Variants in GRID2 observed in about 807,000 individuals in gnomAD.
GRID2 encodes the protein glutamate receptor ionotropic, delta-2.
GRID2 carries 33 observed loss-of-function variants against 114.8 expected under a neutral mutation model. The ratio of observed to expected loss-of-function variants is 0.29; its 90% CI spans 0.22 to 0.38. GRID2 has a LOEUF of 0.38. Among genes scored for constraint, GRID2 ranks in the 10% least tolerant of loss-of-function variants. The pLI is 1.00. For synonymous variants in GRID2, 505 were observed against 449.9 expected (o/e 1.12, Z -1.55); for missense variants, 1,184 against 1,257.7 (o/e 0.94, Z 0.89).
intron 2 of GRID2, among the ~76,000 whole-genome samples, chr4:92,656,923 A>G (rs888478521): frequency 5.9e-5 from 9 of 151,728 alleles, no homozygotes; most frequent in African/African-American, 2.2e-4. Flanking sequence ...TATGTTCTGA[A>G]GCAAAGGAAT....
chr4:93,268,103 T>G (rs932899925), intron 8 of GRID2, among the ~76,000 whole-genome samples: 3 of 152,206 alleles, frequency 2.0e-5, no homozygotes, highest in African/African-American at 7.2e-5. Flanking sequence ...GCCCATTTTC[T>G]TTTTTCTGTT....
intron 12 of GRID2, among the ~76,000 whole-genome samples, chr4:93,494,336 C>A (rs1212210205): frequency 6.6e-6 from 1 of 151,460 alleles, no homozygotes; most frequent in Non-Finnish European, 1.5e-5. Context: ...CTACAATGGG[C>A]AGAGGTGGTT....
At chr4:92,532,677 CA>C (rs1313092506) in intron 1 of GRID2, among the ~76,000 whole-genome samples, 1 of 151,762 alleles carries the variant, frequency 6.6e-6, no homozygotes, top group East Asian at 1.9e-4. Flanking sequence ...AGTATGTGGT[CA>C]AAAAAGGAAT....
chr4:92,389,281 G>A (rs1730132019), intron 1 of GRID2, among the ~76,000 whole-genome samples: 1 of 151,948 alleles, frequency 6.6e-6, no homozygotes. Context: ...CTCATACATA[G>A]CAGAGATGTG....
intron 2 of GRID2, among the ~76,000 whole-genome samples, chr4:93,059,757 T>C (rs1250073095): frequency 1.3e-5 from 2 of 152,088 alleles, no homozygotes; most frequent in Non-Finnish European, 2.9e-5. Context: ...ATAATTCTAT[T>C]ACTCAAAAAG....
chr4:93,452,322 A>G (rs549263892), intron 10 of GRID2, among the ~76,000 whole-genome samples: 1 of 152,190 alleles, frequency 6.6e-6, no homozygotes, highest in South Asian at 2.1e-4. Context: ...TACTTTTTCC[A>G]TGAGGAATAG....
In GRID2 at chr4:93,036,161, G is replaced by A. The variant is rs550841845; in HGVS notation, c.245-48834G>A. ...TCCCTTAGCCTTTGGGCCAAAAGGT[G>A]GCAATAATCTTCTTATAACCTAAAA... is the stretch of plus-strand genomic sequence containing the variant. On this transcript the variant is annotated intron_variant, in intron 2 of 15. Coordinates refer to ENST00000282020, the MANE Select transcript of GRID2 (RefSeq NM_001510.4). Among the ~76,000 whole-genome samples, 10 of 152,088 alleles carry A rather than the reference G, an allele frequency of 6.6e-5. No homozygotes were observed. The South Asian group carries it at 1.9e-3, about 28-fold the overall frequency.
intron 1 of GRID2, among the ~76,000 whole-genome samples, chr4:92,545,589 G>T (rs1726207979): frequency 6.6e-6 from 1 of 152,112 alleles, no homozygotes. Flanking sequence ...AGTTCAAAAT[G>T]GGAGGCAGGT....
chr4:92,682,217 A>AT (rs1185575777), intron 2 of GRID2, among the ~76,000 whole-genome samples: 2 of 152,198 alleles, frequency 1.3e-5, no homozygotes, highest in African/African-American at 4.8e-5. Flanking sequence ...AGATGGAACT[A>AT]TAGCAAAATC....
chr4:93,749,054 G>C (rs1212164423), intron 14 of GRID2, among the ~76,000 whole-genome samples: 1 of 132,964 alleles, frequency 7.5e-6, no homozygotes, highest in East Asian at 2.6e-4. Flanking sequence ...GCATTAGTAA[G>C]TTAGCAAAAG....
At chr4:92,971,402 G>GT (rs906613310) in intron 2 of GRID2, among the ~76,000 whole-genome samples, 1 of 151,864 alleles carries the variant, frequency 6.6e-6, no homozygotes, top group Non-Finnish European at 1.5e-5. Flanking sequence ...AAAATTGCTA[G>GT]TTTTTTTCCT....
chr4:93,204,613 A>G (rs558384961), intron 4 of GRID2, among the ~76,000 whole-genome samples: 63 of 152,276 alleles, frequency 4.1e-4, no homozygotes, highest in African/African-American at 1.5e-3. Flanking sequence ...CTTCACTGAA[A>G]TACAGGATTT....
chr4:92,893,237 G>A (rs116144761), intron 2 of GRID2, among the ~76,000 whole-genome samples: 3,298 of 152,192 alleles, frequency 0.022, 55 homozygotes, highest in East Asian at 0.052. Flanking sequence ...GTTTAAACCC[G>A]TGACTAGCAG....
Position 93,608,748 on chromosome 4 carries a change from T to C in GRID2, c.2194-17521T>C, listed in dbSNP as rs1180206510. On this transcript the variant is annotated intron_variant, in intron 13 of 15. Coordinates refer to ENST00000282020, the MANE Select transcript of GRID2 (RefSeq NM_001510.4). ...TGGGTTGGTTCCAAGTCTTTGCTAT[T>C]GTGAACAGTGCCGCAATAAACATAC... 2.2e-5 allele frequency among the ~76,000 whole-genome samples: 3 copies of C among 137,742 alleles called. 1 individual carries two copies. Among genetic ancestry groups the C allele is most frequent in the Non-Finnish European group, 4.8e-5 (3 of 61,992 alleles). The allele number at this position is 137,742 out of a possible 152,430, so 90.4% of individuals were successfully genotyped here.
At chr4:93,069,182 A>G (rs1309870744) in intron 2 of GRID2, among the ~76,000 whole-genome samples, 1 of 151,968 alleles carries the variant, frequency 6.6e-6, no homozygotes, top group African/African-American at 2.4e-5. Flanking sequence ...TTACATTTCA[A>G]CATTAGTTTT....
chr4:92,787,917 G>A (rs924236904), intron 2 of GRID2, among the ~76,000 whole-genome samples: 12 of 151,768 alleles, frequency 7.9e-5, no homozygotes, highest in Non-Finnish European at 1.5e-4. Flanking sequence ...GTGTGTTAGA[G>A]AGAAGAGTGA....
Position 93,512,749 on chromosome 4 carries a change from T to C in GRID2, c.1998-2467T>C, listed in dbSNP as rs989888869. Among the ~76,000 whole-genome samples, 9 of 152,174 alleles carry C rather than the reference T, an allele frequency of 5.9e-5. 1 individual carries two copies. Among genetic ancestry groups the C allele is most frequent in the Admixed American group, 3.3e-4 (5 of 15,278 alleles). On this transcript the variant is annotated intron_variant, in intron 12 of 15. Transcript: ENST00000282020. The stretch of plus-strand genomic sequence containing the variant: ...TCACATGGGCAATATATTAAGATAT[T>C]CCTCTAAAAATGCATTGTGTACAAA...
chr4:93,563,931 C>CTGT (rs1393050021), intron 13 of GRID2, among the ~76,000 whole-genome samples: 1 of 151,350 alleles, frequency 6.6e-6, no homozygotes, highest in Non-Finnish European at 1.5e-5. Context: ...ACACTGATTT[C>CTGT]AAATCTGTAA....
intron 1 of GRID2, among the ~76,000 whole-genome samples, chr4:93,792,073 T>G (rs188040250): frequency 6.6e-6 from 1 of 150,868 alleles, no homozygotes; most frequent in African/African-American, 2.4e-5. Flanking sequence ...TGTTGTTTTC[T>G]TAGTTCATAA....
Sources: allele counts gnomAD v4.1 joint callset (sites outside exome capture counted in the v4.1 genomes callset), GRCh38; gene constraint gnomAD v4.1.1; transcripts MANE v1.5; gene names NCBI Gene and HGNC (gene_info 2026-07-23, HGNC 2026-07-21).